Variants in IFT74 observed in about 807,000 individuals in gnomAD.
The protein encoded by IFT74 is intraflagellar transport 74.
Under a neutral mutation model 96.7 loss-of-function variants are expected in IFT74, and 92 were observed. That is an observed-to-expected ratio of 0.95 (90% CI 0.80 to 1.13). The LOEUF (loss-of-function observed/expected upper bound fraction) is 1.13, where lower values mean the gene tolerates loss of function less well. Among genes scored for constraint, IFT74 ranks in the 50% most tolerant of loss-of-function variants. IFT74 has a pLI of 0.00. For missense variants in IFT74, 811 were observed against 698.2 expected (o/e 1.16, Z -1.82); for synonymous variants, 223 against 213.2 (o/e 1.05, Z -0.40).
chr9:26,995,966 A>C, intron 8 of IFT74: 1 of 756,614 alleles, frequency 1.3e-6, no homozygotes, highest in Non-Finnish European at 2.0e-6. Context: ...CATACATTGT[A>C]GTTTTCTTTA....
chr9:27,049,822 C>T lies in IFT74; in HGVS notation c.1333+1548C>T, dbSNP rs566254606. On this transcript the variant is annotated intron_variant, in intron 16 of 19. Coordinates refer to ENST00000380062, the MANE Select transcript of IFT74 (RefSeq NM_025103.4). ...AATTAGTTTCAGTCATGCTTGCTAT[C>T]ATGAGACTAGAGCAGCACTGTCCAA... Among the ~76,000 whole-genome samples, 40 of 152,234 alleles carry T rather than the reference C, an allele frequency of 2.6e-4. No individual in the cohort carries two copies. In the South Asian group the frequency reaches 8.1e-3, roughly 31 times the overall value.
At chr9:27,011,671 C>T (rs1829087055) in intron 9 of IFT74, among the ~76,000 whole-genome samples, 1 of 141,620 alleles carries the variant, frequency 7.1e-6, no homozygotes, top group African/African-American at 2.6e-5. Context: ...TTTGAAGGCA[C>T]ACAGCAAGTT....
At chr9:26,964,783 C>CTG (rs1826533754) in intron 2 of IFT74, among the ~76,000 whole-genome samples, 13 of 152,080 alleles carry the variant, frequency 8.5e-5, no homozygotes, top group Admixed American at 6.6e-4. Flanking sequence ...GTACAGTACT[C>CTG]TAATGTAAAA....
At chr9:27,034,626 T>G (rs1259365294) in intron 13 of IFT74, among the ~76,000 whole-genome samples, 1 of 152,224 alleles carries the variant, frequency 6.6e-6, no homozygotes. Context: ...CCTCTCAGGT[T>G]CAAACAATTC....
chr9:26,997,668 T>C, intron 8 of IFT74: 1 of 1,508,042 alleles, frequency 6.6e-7, no homozygotes, highest in Non-Finnish European at 8.9e-7. Flanking sequence ...ATGAGAGATT[T>C]TTCTGTGGTG....
intron 2 of IFT74, among the ~76,000 whole-genome samples, chr9:26,972,025 AC>A (rs1413363880): frequency 6.6e-6 from 1 of 152,234 alleles, no homozygotes; most frequent in Non-Finnish European, 1.5e-5. Context: ...ACCCAGGAGG[AC>A]CCATCTATAA....
intron 7 of IFT74, among the ~76,000 whole-genome samples, chr9:26,989,446 TTATAA>T (rs1827775248): frequency 6.6e-6 from 1 of 152,316 alleles, no homozygotes; most frequent in African/African-American, 2.4e-5. Context: ...CTTATTTTGA[TTATAA>T]GCATTTGGAT....
intron 18 of IFT74, among the ~76,000 whole-genome samples, chr9:27,057,449 A>G (rs1820216876): frequency 6.6e-6 from 1 of 152,216 alleles, no homozygotes; most frequent in Admixed American, 6.5e-5. Context: ...ATGAAGCATT[A>G]TGTGTCATGT....
At chr9:27,006,946 C>G (rs1828821666) in intron 8 of IFT74, among the ~76,000 whole-genome samples, 1 of 150,388 alleles carries the variant, frequency 6.6e-6, no homozygotes, top group South Asian at 2.1e-4. Flanking sequence ...ACGCCATTCT[C>G]CTGCCTCAGC....
chr9:27,008,605 C>G (rs140188865), intron 8 of IFT74, among the ~76,000 whole-genome samples: 1 of 152,112 alleles, frequency 6.6e-6, no homozygotes, highest in East Asian at 1.9e-4. Flanking sequence ...GGTGATCCAC[C>G]TGCCTCAGCC....
At chr9:26,987,543 G>A (rs1563952744) in intron 6 of IFT74, among the ~76,000 whole-genome samples, 1 of 152,176 alleles carries the variant, frequency 6.6e-6, no homozygotes. Context: ...AGAGCAGTTA[G>A]CTGTGTATCT....
rs73436004 is a variant in IFT74 at position 26,974,839 on chromosome 9, A to C, written c.121-3289A>C. Among the ~76,000 whole-genome samples the C allele has an allele frequency of 5.7e-3, 863 of 152,208 alleles. 10 individuals are homozygous for C. Among genetic ancestry groups the C allele is most frequent in the African/African-American group, 0.019 (810 of 41,546 alleles). On this transcript the variant is annotated intron_variant, in intron 2 of 19. Transcript: ENST00000380062. The stretch of plus-strand genomic sequence containing the variant: ...CAACAGGAGCTGAAGCTCTTTTTTC[A>C]AACTTTGCACCTCTGAACTGGTCAA...
chr9:26,970,200 A>G (rs998961857), intron 2 of IFT74, among the ~76,000 whole-genome samples: 9 of 152,158 alleles, frequency 5.9e-5, no homozygotes, highest in African/African-American at 2.2e-4. Context: ...TTTTCTTTGC[A>G]GTGACTTCAC....
intron 8 of IFT74, among the ~76,000 whole-genome samples, chr9:27,000,475 CT>C (rs1283016181): frequency 6.6e-6 from 1 of 152,096 alleles, no homozygotes; most frequent in Admixed American, 6.6e-5. Flanking sequence ...CTTTAGCACT[CT>C]TTTTCCCCCC....
rs1819628804 is a variant in IFT74, at chr9:27,044,794, C to T, written c.1107C>T (p.Asp369=). The change falls in exon 14 of 20, where the codon GAC becomes GAT. Residue 369 remains aspartate, a splice_region_variant and synonymous_variant. Transcript: ENST00000380062. ...KELKKREEHM[D]TFIETFEETK... ...TAAAGAAAAGGGAGGAACATATGGA[C>T]AGTAAGTGATATTCTTGTAGATATA... 2 of 1,501,034 alleles carry T rather than the reference C, an allele frequency of 1.3e-6. No homozygotes were observed. The highest frequency in any genetic ancestry group is 4.6e-5 in the East Asian group (2 of 43,796). The allele number at this position is 1,501,034 out of a possible 1,614,324, so 93.0% of individuals were successfully genotyped here.
chr9:26,989,010 A>G (rs1299057779), intron 7 of IFT74, among the ~76,000 whole-genome samples: 1 of 152,092 alleles, frequency 6.6e-6, no homozygotes, highest in Non-Finnish European at 1.5e-5. Flanking sequence ...CCATTTCCTT[A>G]TATATATTAG....
Position 27,064,017 on chromosome 9 carries a change from G to A in IFT74, c.*1281G>A, listed in dbSNP as rs80157293. Among the ~76,000 whole-genome samples, 6,076 of 152,178 alleles carry A rather than the reference G, an allele frequency of 0.04. 206 individuals carry two copies. Among genetic ancestry groups the A allele is most frequent in the South Asian group, 0.12 (602 of 4,822 alleles). On this transcript the variant is annotated 3_prime_UTR_variant, in exon 20 of 20. Coordinates refer to ENST00000380062, the MANE Select transcript of IFT74 (RefSeq NM_025103.4). ...GGGAAACGTTGTCTGAAACAAAGGT[G>A]AATTATTTTATTTTTTCTTGACTGC...
chr9:27,036,320 T>A, intron 13 of IFT74: 1 of 1,279,542 alleles, frequency 7.8e-7, no homozygotes, highest in Non-Finnish European at 1.0e-6. Flanking sequence ...CCAGAGAATG[T>A]ATATTTAGAA....
At chr9:27,054,602 T>G (rs1820076528) in intron 16 of IFT74, among the ~76,000 whole-genome samples, 2 of 152,170 alleles carry the variant, frequency 1.3e-5, no homozygotes, top group African/African-American at 2.4e-5. Context: ...ATATTTCATA[T>G]TGTGAATTTG....
Sources: gnomAD v4.1 joint callset for allele counts (sites outside exome capture counted in the v4.1 genomes callset) on GRCh38, gnomAD v4.1.1 for gene constraint, MANE v1.5 for transcripts, NCBI Gene and HGNC (gene_info 2026-07-23, HGNC 2026-07-21) for gene names.